DYNC1I1: variants seen among roughly 807,000 people sequenced by gnomAD.
DYNC1I1 encodes cytoplasmic dynein 1 intermediate chain 1.
A neutral mutation model predicts 86.6 loss-of-function variants in DYNC1I1; 43 were observed. The ratio of observed to expected loss-of-function variants is 0.50; its 90% confidence interval spans 0.39 to 0.64. The LOEUF (loss-of-function observed/expected upper bound fraction) is 0.64. DYNC1I1 is among the 30% of genes least tolerant of loss of function. DYNC1I1 has a pLI of 0.00. For missense variants in DYNC1I1, 604 were observed against 788.8 expected (o/e 0.77, Z 2.81); for synonymous variants, 262 against 283.7 (o/e 0.92, Z 0.77).
intron 6 of DYNC1I1, among the ~76,000 whole-genome samples, chr7:95,907,616 C>T (rs936169405): frequency 1.1e-4 from 17 of 152,084 alleles, no homozygotes; most frequent in African/African-American, 3.9e-4. Context: ...TGCTGAAAGC[C>T]CAAGACTCAT....
intron 5 of DYNC1I1, among the ~76,000 whole-genome samples, chr7:95,836,775 C>T (rs1252853447): frequency 6.6e-6 from 1 of 152,162 alleles, no homozygotes; most frequent in East Asian, 1.9e-4. Flanking sequence ...CCTGAGGCTT[C>T]TGCATTCTTC....
intron 3 of DYNC1I1, among the ~76,000 whole-genome samples, chr7:95,811,717 A>T (rs1794834657): frequency 6.6e-6 from 1 of 152,138 alleles, no homozygotes; most frequent in Non-Finnish European, 1.5e-5. Context: ...ATGTTGTGGA[A>T]GATGTAACCT....
rs139373854 is a variant in DYNC1I1 at position 95,908,153 on chromosome 7, G to T, written c.490+38155G>T. On this transcript the variant is annotated intron_variant, in intron 6 of 16. Transcript: ENST00000447467. Reference sequence around the variant, plus strand: ...TAACCTTGTTAAACAACCACGGGAGGAGATGGAGACTACCCGTGCAAGGAG... The same window carrying T: ...TAACCTTGTTAAACAACCACGGGAGTAGATGGAGACTACCCGTGCAAGGAG... Among the ~76,000 whole-genome samples, 281 of 152,228 alleles carry T rather than the reference G, an allele frequency of 1.8e-3. 2 individuals are homozygous for T. Among genetic ancestry groups the T allele is most frequent in the African/African-American group, 6.6e-3 (274 of 41,546 alleles).
At chr7:96,084,645 A>G (rs188171605) in intron 16 of DYNC1I1, among the ~76,000 whole-genome samples, 144 of 151,322 alleles carry the variant, frequency 9.5e-4, no homozygotes, top group African/African-American at 3.4e-3. Flanking sequence ...CTGGTCTCGA[A>G]CTCCTGACCT....
chr7:96,089,895 T>G (rs934299892), intron 16 of DYNC1I1, among the ~76,000 whole-genome samples: 3 of 152,184 alleles, frequency 2.0e-5, no homozygotes, highest in African/African-American at 4.8e-5. Flanking sequence ...AACCTATAGT[T>G]AATAATATCA....
At chr7:95,937,691 A>G (rs967432563) in intron 6 of DYNC1I1, among the ~76,000 whole-genome samples, 2 of 152,070 alleles carry the variant, frequency 1.3e-5, no homozygotes, top group East Asian at 3.8e-4. Flanking sequence ...ATGAAGCATC[A>G]TTATAGCTGA....
intron 4 of DYNC1I1, among the ~76,000 whole-genome samples, chr7:95,824,207 G>T (rs1215089732): frequency 1.3e-5 from 2 of 151,392 alleles, no homozygotes; most frequent in African/African-American, 4.9e-5. Flanking sequence ...GCCCAGGCTG[G>T]TCTTGGAACC....
At chr7:95,992,835 A>G (rs10267059) in intron 9 of DYNC1I1, among the ~76,000 whole-genome samples, 109,004 of 151,930 alleles carry the variant, frequency 0.72, 39,720 homozygotes, top group African/African-American at 0.84. Context: ...GGCTGGTCTC[A>G]AACTCCTGAC....
intron 10 of DYNC1I1, among the ~76,000 whole-genome samples, chr7:95,997,152 C>G (rs1415282582): frequency 2.0e-5 from 3 of 152,132 alleles, no homozygotes; most frequent in Non-Finnish European, 4.4e-5. Flanking sequence ...AAGTCTAGTT[C>G]TGTATGGTAA....
chr7:95,781,447 A>C (rs1793990767), intron 1 of DYNC1I1, among the ~76,000 whole-genome samples: 1 of 152,182 alleles, frequency 6.6e-6, no homozygotes, highest in African/African-American at 2.4e-5. Flanking sequence ...TAAATTAGAG[A>C]CCTTAAAGTA....
chr7:95,837,112 G>A (rs1211280216), intron 5 of DYNC1I1, among the ~76,000 whole-genome samples: 9 of 149,512 alleles, frequency 6.0e-5, no homozygotes, highest in Non-Finnish European at 1.2e-4. Context: ...TCTACTTTTG[G>A]TCTTTGATGA....
chr7:95,993,317 A>G (rs1793776546), intron 9 of DYNC1I1, among the ~76,000 whole-genome samples: 1 of 152,176 alleles, frequency 6.6e-6, no homozygotes, highest in Non-Finnish European at 1.5e-5. Context: ...CCTGTTTTCT[A>G]AAGGAGTTTT....
intron 14 of DYNC1I1, among the ~76,000 whole-genome samples, chr7:96,041,391 A>G (rs1789046009): frequency 6.6e-6 from 1 of 152,234 alleles, no homozygotes; most frequent in Non-Finnish European, 1.5e-5. Flanking sequence ...AAAATGGCTC[A>G]ACACTGTGGA....
chr7:96,032,255 C>T (rs1275048685), intron 11 of DYNC1I1, among the ~76,000 whole-genome samples: 2 of 152,096 alleles, frequency 1.3e-5, no homozygotes, highest in African/African-American at 4.8e-5. Flanking sequence ...AACATGTATT[C>T]CTTCCAAAAG....
chr7:96,030,331 TGTGTG>T (rs1794779175), intron 11 of DYNC1I1, among the ~76,000 whole-genome samples: 1 of 24,428 alleles, frequency 4.1e-5, no homozygotes, highest in African/African-American at 2.5e-4. Context: ...ATGGTAGAGT[TGTGTG>T]TGTGTGTGTG....
At chr7:95,799,906 G>T (rs774171586) in intron 1 of DYNC1I1, among the ~76,000 whole-genome samples, 6 of 151,846 alleles carry the variant, frequency 4.0e-5, no homozygotes, top group African/African-American at 1.5e-4. Context: ...GGTGATGTGG[G>T]CAAGAGTGGG....
chr7:96,055,315 G>C (rs1789541648), intron 14 of DYNC1I1, among the ~76,000 whole-genome samples: 1 of 152,054 alleles, frequency 6.6e-6, no homozygotes. Context: ...TGTAGATGAT[G>C]GGTTGGTGGG....
At chr7:95,861,188 T>A (rs1033937805) in intron 5 of DYNC1I1, among the ~76,000 whole-genome samples, 1 of 152,120 alleles carries the variant, frequency 6.6e-6, no homozygotes, top group Non-Finnish European at 1.5e-5. Context: ...TGCCACCAGA[T>A]CTAACCGATG....
intron 3 of DYNC1I1, among the ~76,000 whole-genome samples, chr7:95,812,245 A>T (rs1237324560): frequency 6.6e-6 from 1 of 152,150 alleles, no homozygotes; most frequent in African/African-American, 2.4e-5. Context: ...CCAAATGGGA[A>T]TCTACATTTA....
Sources: gnomAD v4.1 joint callset for allele counts (sites outside exome capture counted in the v4.1 genomes callset) on GRCh38, gnomAD v4.1.1 for gene constraint, MANE v1.5 for transcripts, NCBI Gene and HGNC (gene_info 2026-07-23, HGNC 2026-07-21) for gene names.